The following PTF1A variants were observed in gnomAD, a reference collection of about 807,000 sequenced individuals.
PTF1A encodes the protein pancreas transcription factor 1 subunit alpha.
PTF1A carries 18 observed loss-of-function variants against 22.6 expected under a neutral mutation model. The ratio of observed to expected loss-of-function variants is 0.80; its 90% confidence interval spans 0.55 to 1.18. The LOEUF (loss-of-function observed/expected upper bound fraction) is 1.18. Among genes scored for constraint, PTF1A ranks in the 50% most tolerant of loss-of-function variants. The probability of loss-of-function intolerance (pLI) is 0.00; values close to 1 mark genes in which losing one functional copy is unlikely to be tolerated. For synonymous variants in PTF1A, 259 were observed against 227.9 expected (o/e 1.14, Z -1.23); for missense variants, 477 against 473.0 (o/e 1.01, Z -0.08).
rs765408777 is a variant in PTF1A at position 23,192,596 on chromosome 10, C to T, written c.66C>T (p.Asp22=). The T allele has an allele frequency of 3.1e-6, 5 of 1,604,068 alleles. No homozygotes were observed. The highest frequency in any genetic ancestry group is 3.4e-6 in the Non-Finnish European group (4 of 1,175,432). Residue 22 remains aspartate (D), a synonymous_variant, in exon 1 of 2, where the codon GAC becomes GAT. Coordinates refer to ENST00000376504, the MANE Select transcript of PTF1A (RefSeq NM_178161.3). ...GLDAFPSSYF[D]EDDFFTDQSS... ...ACGCCTTTCCTTCTTCGTACTTCGA[C>T]GAGGACGACTTCTTCACCGACCAGT...
In PTF1A at chr10:23,192,766, T is replaced by C. The variant is rs1022085624; in HGVS notation, c.236T>C (p.Leu79Pro). The change falls in exon 1 of 2, where the codon CTA (leucine) becomes CCA (proline). Residue 79 changes from leucine to proline, a missense_variant. By Grantham distance (98) the Leu-to-Pro change is moderately conservative. Transcript: ENST00000376504. ...CAGCCCGCGCCCCCGGCCGCCCCGC[T>C]AGCGCTCGCCCCGCCGTCCTCGGGG... Reference protein sequence around the residue: ...LLQPAPPAAPLALAPPSSGGL... With the variant: ...LLQPAPPAAPPALAPPSSGGL... The C allele has an allele frequency of 5.7e-6, 8 of 1,396,788 alleles. No individual in the cohort carries two copies. Among genetic ancestry groups the C allele is most frequent in the Non-Finnish European group, 7.4e-6 (8 of 1,075,228 alleles). The allele number at this position is 1,396,788 out of a possible 1,614,324, so 86.5% of individuals were successfully genotyped here.
Position 23,192,977 on chromosome 10 carries a change from G to GCGGCGC in PTF1A, c.453_458dup (p.Arg153_Arg154dup). ...TGAGCGGAGCGGCGGCTGCGGCGGC[G>GCGGCGC]CGGCGCCGGCGGCGGGTGCGCTCCG... is the stretch of plus-strand genomic sequence containing the variant. On this transcript the variant is annotated inframe_insertion, in exon 1 of 2. Coordinates refer to ENST00000376504, the MANE Select transcript of PTF1A (RefSeq NM_178161.3). The GCGGCGC allele has an allele frequency of 1.8e-6, 2 of 1,130,920 alleles. No individual in the cohort carries two copies. The allele number at this position is 1,130,920 out of a possible 1,614,324, so 70.1% of individuals were successfully genotyped here.
At chr10:23,193,454 G>T in intron 1 of PTF1A, 140 bp downstream of exon 1, 1 of 838,432 alleles carries the variant, frequency 1.2e-6, no homozygotes, top group Non-Finnish European at 1.8e-6. Context: ...ATGCGAGCTC[G>T]CGTTTCTCGT....
In PTF1A at chr10:23,192,782, G is replaced by C. The variant is rs1178258991; in HGVS notation, c.252G>C (p.Pro84=). The change falls in exon 1 of 2, where the codon CCG becomes CCC. Residue 84 remains proline (P), a synonymous_variant. Coordinates refer to ENST00000376504, the MANE Select transcript of PTF1A (RefSeq NM_178161.3). ...CCGCCCCGCTAGCGCTCGCCCCGCCGTCCTCGGGGGGCCTCGGTGAGCCAG... is the reference window on the plus strand; with the variant it reads ...CCGCCCCGCTAGCGCTCGCCCCGCCCTCCTCGGGGGGCCTCGGTGAGCCAG... ...PPAAPLALAP[P]SSGGLGEPDD... 7.5e-7 allele frequency: 1 copy of C among 1,340,572 alleles called. No homozygotes were observed. Among genetic ancestry groups the C allele is most frequent in the Non-Finnish European group, 9.5e-7 (1 of 1,049,872 alleles). 83.0% of individuals were successfully genotyped at this position (1,340,572 alleles called of 1,614,324 possible). A position where few individuals can be genotyped will look rare whatever the true frequency, so the allele number is the denominator to read the frequency against.
chr10:23,192,648 G>C lies in PTF1A; in HGVS notation c.118G>C (p.Asp40His). 6.2e-7 allele frequency: 1 copy of C among 1,601,396 alleles called. No homozygotes were observed. Among genetic ancestry groups the C allele is most frequent in the South Asian group, 1.1e-5 (1 of 89,904 alleles). The change falls in exon 1 of 2, where the codon GAT becomes CAT. Residue 40 changes from aspartate to histidine, a missense_variant. Physicochemically the swap from Asp to His is moderately conservative, Grantham distance 81. Transcript: ENST00000376504. Reference sequence around the variant, plus strand: ...TTCACGGGACCCCCTGGAGGACGGCGATGAGCTGCTGGCGGACGAGCAGGC... The same window carrying C: ...TTCACGGGACCCCCTGGAGGACGGCCATGAGCTGCTGGCGGACGAGCAGGC... The part of the protein sequence containing the change: ...QSSRDPLEDG[D>H]ELLADEQAEV...
rs770501280 is a variant in PTF1A, at chr10:23,192,500, G to A, written c.-31G>A. ...CACCAAGAACTAACACGCGCAGCCC[G>A]GCAGTCCCGCTGCCCACTGCGGCGG... is the stretch of plus-strand genomic sequence containing the variant. On this transcript the variant is annotated 5_prime_UTR_variant, in exon 1 of 2. Coordinates refer to ENST00000376504, the MANE Select transcript of PTF1A (RefSeq NM_178161.3). 1.1e-5 allele frequency: 18 copies of A among 1,592,344 alleles called. No homozygotes were observed. The East Asian group carries it at 1.6e-4, about 15-fold the overall frequency.
In PTF1A at chr10:23,193,121, G is replaced by A; in HGVS notation, c.591G>A (p.Lys197=). The change falls in exon 1 of 2, where the codon AAG becomes AAA. Residue 197 remains lysine (K), a synonymous_variant. Transcript: ENST00000376504. ...RSHIPTLPYE[K]RLSKVDTLRL... is the part of the protein sequence containing the mutation. The stretch of plus-strand genomic sequence containing the variant: ...ACATCCCCACGCTGCCCTACGAGAA[G>A]CGCCTCTCCAAGGTGGACACGCTGC... 1 of 1,446,834 alleles carries A rather than the reference G, an allele frequency of 6.9e-7. No individual in the cohort carries two copies. The highest frequency in any genetic ancestry group is 9.1e-7 in the Non-Finnish European group (1 of 1,094,124). 89.6% of individuals were successfully genotyped at this position (1,446,834 alleles called of 1,614,324 possible).
At position 23,192,968 on chromosome 10, in the gene PTF1A, T is replaced by TGCGGCGGC. The variant is rs1435815949; in HGVS notation, c.445_452dup (p.Arg153GlyfsTer127). ...TGCGCGGCCTGAGCGGAGCGGCGGC[T>TGCGGCGGC]GCGGCGGCGCGGCGCCGGCGGCGGG... On this transcript the variant is annotated frameshift_variant, in exon 1 of 2. Transcript: ENST00000376504. LOFTEE classifies it high-confidence loss of function. 8.8e-7 allele frequency: 1 copy of TGCGGCGGC among 1,139,898 alleles called. No homozygotes were observed. The highest frequency in any genetic ancestry group is 1.1e-6 in the Non-Finnish European group (1 of 931,760). 70.6% of individuals were successfully genotyped at this position (1,139,898 alleles called of 1,614,324 possible).
Position 23,193,168 on chromosome 10 carries a change from A to G in PTF1A, c.638A>G (p.Asn213Ser), listed in dbSNP as rs751173160. The G allele has an allele frequency of 5.7e-6, 8 of 1,410,748 alleles. No homozygotes were observed. The highest frequency in any genetic ancestry group is 1.9e-4 in the Middle Eastern group (1 of 5,322). The allele number at this position is 1,410,748 out of a possible 1,614,324, so 87.4% of individuals were successfully genotyped here. ...CTGCGCCTGGCCATCGGCTACATCA[A>G]CTTCCTCAGCGAGCTCGTGCAGGCC... ...DTLRLAIGYI[N>S]FLSELVQADL... Residue 213 changes from asparagine to serine, a missense_variant, in exon 1 of 2, where the codon AAC (asparagine) becomes AGC (serine). Coordinates refer to ENST00000376504, the MANE Select transcript of PTF1A (RefSeq NM_178161.3).
chr10:23,194,224 A>G lies in PTF1A; in HGVS notation c.*318A>G. The G allele has an allele frequency of 3.7e-6, 1 of 267,896 alleles. No individual in the cohort carries two copies. The highest frequency in any genetic ancestry group is 7.1e-6 in the Non-Finnish European group (1 of 141,644). 16.6% of individuals were successfully genotyped at this position (267,896 alleles called of 1,614,324 possible). A position where few individuals can be genotyped will look rare whatever the true frequency, so the allele number is the denominator to read the frequency against. On this transcript the variant is annotated 3_prime_UTR_variant, in exon 2 of 2. Transcript: ENST00000376504. ...ATATGGTTTATTTCTAAGCGTTGTC[A>G]ATAAATGCTATTTACACCTTTTCCT...
At position 23,193,473 on chromosome 10, in the gene PTF1A, T is replaced by TA. The variant is rs112523832; in HGVS notation, c.784+159_784+160insA. Reference sequence around the variant, plus strand: ...GAGCTCGCGTTTCTCGTTTTTTTTTTTTTTTTTATTTTTCTGCCACGTTGA... The same window carrying TA: ...GAGCTCGCGTTTCTCGTTTTTTTTTTATTTTTTTATTTTTCTGCCACGTTGA... On this transcript the variant is annotated intron_variant, in intron 1 of 1. Coordinates refer to ENST00000376504, the MANE Select transcript of PTF1A (RefSeq NM_178161.3). 1,945 of 825,214 alleles carry TA rather than the reference T, an allele frequency of 2.4e-3. 35 individuals carry two copies. The African/African-American group carries it at 0.029, about 12-fold the overall frequency. 51.1% of individuals were successfully genotyped at this position (825,214 alleles called of 1,614,324 possible).
chr10:23,193,224 G>C lies in PTF1A; in HGVS notation c.694G>C (p.Gly232Arg). The change falls in exon 1 of 2, where the codon GGC becomes CGC. Residue 232 changes from glycine (G) to arginine (R), a missense_variant. Transcript: ENST00000376504. ...DLPLRGGGAG[G>R]CGGPGGGGRL... The stretch of plus-strand genomic sequence containing the variant: ...GCCCTTGCGCGGCGGTGGCGCGGGC[G>C]GCTGCGGGGGGCCGGGCGGCGGCGG... The C allele has an allele frequency of 1.5e-6, 2 of 1,300,788 alleles. No individual in the cohort carries two copies. The highest frequency in any genetic ancestry group is 1.5e-5 in the African/African-American group (1 of 65,566). 80.6% of individuals were successfully genotyped at this position (1,300,788 alleles called of 1,614,324 possible).
chr10:23,193,165 T>C lies in PTF1A; in HGVS notation c.635T>C (p.Ile212Thr). 1 of 1,412,738 alleles carries C rather than the reference T, an allele frequency of 7.1e-7. No homozygotes were observed. Among genetic ancestry groups the C allele is most frequent in the Non-Finnish European group, 9.3e-7 (1 of 1,074,864 alleles). The allele number at this position is 1,412,738 out of a possible 1,614,324, so 87.5% of individuals were successfully genotyped here. A position where few individuals can be genotyped will look rare whatever the true frequency, so the allele number is the denominator to read the frequency against. Residue 212 changes from isoleucine (I) to threonine (T), a missense_variant, in exon 1 of 2, where the codon ATC (isoleucine) becomes ACC (threonine). Coordinates refer to ENST00000376504, the MANE Select transcript of PTF1A (RefSeq NM_178161.3). ...VDTLRLAIGY[I>T]NFLSELVQAD... ...ACGCTGCGCCTGGCCATCGGCTACA[T>C]CAACTTCCTCAGCGAGCTCGTGCAG...
rs1422838569 is a variant in PTF1A, at chr10:23,192,524, G to A, written c.-7G>A. 1.9e-6 allele frequency: 3 copies of A among 1,589,144 alleles called. No homozygotes were observed. Among genetic ancestry groups the A allele is most frequent in the Admixed American group, 3.4e-5 (2 of 58,356 alleles). ...CGGCAGTCCCGCTGCCCACTGCGGCGGCGAGCATGGACGCGGTGTTGCTGG... is the reference window on the plus strand; with the variant it reads ...CGGCAGTCCCGCTGCCCACTGCGGCAGCGAGCATGGACGCGGTGTTGCTGG... On this transcript the variant is annotated 5_prime_UTR_variant, in exon 1 of 2. Coordinates refer to ENST00000376504, the MANE Select transcript of PTF1A (RefSeq NM_178161.3).
rs1186816564 is a variant in PTF1A, at chr10:23,192,937, C to T, written c.407C>T (p.Ala136Val). ...GGGGCGGCAGTACTGTCTCCCGGGG[C>T]GCGGCTGCGCGGCCTGAGCGGAGCG... ...CAGAAVLSPG[A>V]RLRGLSGAAA... Residue 136 changes from alanine (A) to valine (V), a missense_variant, in exon 1 of 2, where the codon GCG becomes GTG. Ala to Val is a moderately conservative substitution (Grantham distance 64). Transcript: ENST00000376504. 8.5e-7 allele frequency: 1 copy of T among 1,179,296 alleles called. No homozygotes were observed. 73.1% of individuals were successfully genotyped at this position (1,179,296 alleles called of 1,614,324 possible). A position where few individuals can be genotyped will look rare whatever the true frequency, so the allele number is the denominator to read the frequency against.
rs370434971 is a variant in PTF1A, at chr10:23,192,728, G to T, written c.198G>T (p.Ala66=). The T allele has an allele frequency of 1.3e-6, 2 of 1,523,548 alleles. No homozygotes were observed. Among genetic ancestry groups the T allele is most frequent in the Non-Finnish European group, 8.8e-7 (1 of 1,140,370 alleles). The allele number at this position is 1,523,548 out of a possible 1,614,324, so 94.4% of individuals were successfully genotyped here. ...QLHEYCYRDG[A]CLLLQPAPPA... ...ACGAGTACTGCTACCGCGACGGGGCGTGCCTGCTGCTGCAGCCCGCGCCCC... is the reference window on the plus strand; with the variant it reads ...ACGAGTACTGCTACCGCGACGGGGCTTGCCTGCTGCTGCAGCCCGCGCCCC... Residue 66 remains alanine, a synonymous_variant, in exon 1 of 2, where the codon GCG becomes GCT. Transcript: ENST00000376504.
At chr10:23,193,638 A>G in intron 1 of PTF1A, 66 bp from the exon 2 acceptor site, 2 of 1,162,508 alleles carry the variant, frequency 1.7e-6, no homozygotes, top group South Asian at 1.2e-5. Flanking sequence ...GTCCTAAAGG[A>G]CCTGATGGGA....
chr10:23,193,214 T>A lies in PTF1A; in HGVS notation c.684T>A (p.Gly228=). Residue 228 remains glycine (G), a synonymous_variant, in exon 1 of 2, where the codon GGT becomes GGA. Transcript: ENST00000376504. ...AGGCCGACCTGCCCTTGCGCGGCGGTGGCGCGGGCGGCTGCGGGGGGCCGG... is the reference window on the plus strand; with the variant it reads ...AGGCCGACCTGCCCTTGCGCGGCGGAGGCGCGGGCGGCTGCGGGGGGCCGG... ...LVQADLPLRG[G]GAGGCGGPGG... 2.3e-6 allele frequency: 3 copies of A among 1,318,628 alleles called. No homozygotes were observed. Among genetic ancestry groups the A allele is most frequent in the Non-Finnish European group, 2.9e-6 (3 of 1,027,446 alleles). The allele number at this position is 1,318,628 out of a possible 1,614,324, so 81.7% of individuals were successfully genotyped here.
Position 23,192,777 on chromosome 10 carries a change from C to G in PTF1A, c.247C>G (p.Pro83Ala). Residue 83 changes from proline to alanine, a missense_variant, in exon 1 of 2, where the codon CCG becomes GCG. Transcript: ENST00000376504. ...CCCGGCCGCCCCGCTAGCGCTCGCC[C>G]CGCCGTCCTCGGGGGGCCTCGGTGA... Reference protein sequence around the residue: ...APPAAPLALAPPSSGGLGEPD... With the variant: ...APPAAPLALAAPSSGGLGEPD... 2.2e-6 allele frequency: 3 copies of G among 1,360,198 alleles called. No homozygotes were observed. Among genetic ancestry groups the G allele is most frequent in the Non-Finnish European group, 2.8e-6 (3 of 1,058,038 alleles). 84.3% of individuals were successfully genotyped at this position (1,360,198 alleles called of 1,614,324 possible).
Sources: gnomAD v4.1 joint callset for allele counts on GRCh38, gnomAD v4.1.1 for gene constraint, MANE v1.5 for transcripts, NCBI Gene and HGNC (gene_info 2026-07-23, HGNC 2026-07-21) for gene names.